Variants in RAD54B observed in about 807,000 individuals in gnomAD.
RAD54B encodes RAD54 homolog B.
In RAD54B, 78 loss-of-function variants were observed where a neutral mutation model predicts 95.8. That is an observed-to-expected ratio of 0.81 (90% confidence interval 0.68 to 0.98). RAD54B has a LOEUF of 0.98. Among genes scored for constraint, RAD54B ranks in the 50% least tolerant of loss-of-function variants. The pLI is 0.00. For missense variants in RAD54B, 957 were observed against 1,056.6 expected, an observed-to-expected ratio of 0.91 and a Z score of 1.31; for synonymous variants, 328 against 354.9, an observed-to-expected ratio of 0.92 and a Z score of 0.85.
intron 3 of RAD54B, 29 bp downstream of exon 3, chr8:94,458,239 T>C (rs758375843): frequency 6.4e-7 from 1 of 1,552,262 alleles, no homozygotes; most frequent in Non-Finnish European, 8.7e-7. Context: ...TGGTCAAGCA[T>C]AAACCTTATC....
In RAD54B at chr8:94,391,735, C is replaced by T. The variant is rs750494785; in HGVS notation, c.1683G>A (p.Lys561=). ...PGALQIELYR[K]LLNSQVVRFC... ...ACCTGACAACCTGAGAATTTAACAGCTTTCGATAAAGCTCAATCTGTAGTG... is the reference window on the plus strand; with the variant it reads ...ACCTGACAACCTGAGAATTTAACAGTTTTCGATAAAGCTCAATCTGTAGTG... Residue 561 remains lysine (K), a synonymous_variant, in exon 10 of 15, where the codon AAG becomes AAA. Coordinates refer to ENST00000336148, the MANE Select transcript of RAD54B (RefSeq NM_012415.3). 1.2e-6 allele frequency: 2 copies of T among 1,614,022 alleles called. No homozygotes were observed. Among genetic ancestry groups the T allele is most frequent in the Admixed American group, 3.3e-5 (2 of 60,006 alleles).
intron 2 of RAD54B, among the ~76,000 whole-genome samples, chr8:94,466,537 A>G (rs987542387): frequency 6.6e-6 from 1 of 151,898 alleles, no homozygotes; most frequent in African/African-American, 2.4e-5. Context: ...TCTCCGGAGT[A>G]GCTGGGATTA....
intron 3 of RAD54B, among the ~76,000 whole-genome samples, chr8:94,420,694 G>A (rs1276946072): frequency 2.7e-5 from 4 of 150,558 alleles, no homozygotes; most frequent in Non-Finnish European, 4.4e-5. Flanking sequence ...TAAAAAAAAA[G>A]AAGTTTTTGG....
At chr8:94,431,756 G>A in intron 3 of RAD54B, 1 of 996,994 alleles carries the variant, frequency 1.0e-6, no homozygotes. Flanking sequence ...TCCTAAATTA[G>A]ACTGACTTAA....
Position 94,393,888 on chromosome 8 carries a change from G to A in RAD54B, c.1379-6C>T. The A allele has an allele frequency of 1.3e-6, 2 of 1,579,220 alleles. No individual in the cohort carries two copies. The highest frequency in any genetic ancestry group is 1.7e-6 in the Non-Finnish European group (2 of 1,166,882). On this transcript the variant is annotated splice_polypyrimidine_tract_variant and splice_region_variant and intron_variant, in intron 8 of 14. Coordinates refer to ENST00000336148, the MANE Select transcript of RAD54B (RefSeq NM_012415.3). The stretch of plus-strand genomic sequence containing the variant: ...ATCATTCTGAATTGGAGTACCTAAA[G>A]AGAGACAAAAATGAGTAAAAGGTCA...
intron 6 of RAD54B, among the ~76,000 whole-genome samples, chr8:94,401,555 C>T (rs761491938): frequency 3.9e-5 from 6 of 151,972 alleles, no homozygotes; most frequent in Non-Finnish European, 5.9e-5. Context: ...TTCCAGTCAA[C>T]GGTAGTTTAT....
intron 12 of RAD54B, 138 bp downstream of exon 12, chr8:94,380,007 C>T (rs1244036167): frequency 6.6e-6 from 6 of 906,992 alleles, no homozygotes; most frequent in Non-Finnish European, 9.7e-6. Context: ...AGATGGAAAG[C>T]ACTTAGGAGA....
At chr8:94,462,400 C>T (rs1812928936) in intron 2 of RAD54B, among the ~76,000 whole-genome samples, 1 of 152,138 alleles carries the variant, frequency 6.6e-6, no homozygotes, top group African/African-American at 2.4e-5. Flanking sequence ...TACTTCTATG[C>T]TTTAGCATTC....
intron 3 of RAD54B, among the ~76,000 whole-genome samples, chr8:94,433,702 G>T (rs1489344266): frequency 2.0e-5 from 3 of 151,060 alleles, no homozygotes; most frequent in Non-Finnish European, 4.4e-5. Flanking sequence ...CCTTGAGGTT[G>T]TTTTTTTTAA....
chr8:94,407,789 C>G, intron 4 of RAD54B, 69 bp from the exon 5 acceptor site: 1 of 1,331,396 alleles, frequency 7.5e-7, no homozygotes, highest in Non-Finnish European at 1.0e-6. Flanking sequence ...CGTAACTGTA[C>G]AAAAAAACTG....
rs1220210321 is a variant in RAD54B at position 94,428,650 on chromosome 8, GTTAT to G, written c.305-17339_305-17336del. 7 of 735,056 alleles carry G rather than the reference GTTAT, an allele frequency of 9.5e-6. No homozygotes were observed. The East Asian group carries it at 6.5e-4, about 68-fold the overall frequency. 45.5% of individuals were successfully genotyped at this position (735,056 alleles called of 1,614,324 possible). On this transcript the variant is annotated intron_variant, in intron 3 of 14. Transcript: ENST00000336148. Reference sequence around the variant, plus strand: ...TCGTATTACTTTTTATTGTTGTACTGTTATTTATTTTTCTGCCTGAATATTTTCA... The same window carrying G: ...TCGTATTACTTTTTATTGTTGTACTGTTATTTTTCTGCCTGAATATTTTCA...
chr8:94,447,936 T>C (rs1000134321), intron 3 of RAD54B, among the ~76,000 whole-genome samples: 5 of 152,240 alleles, frequency 3.3e-5, no homozygotes, highest in African/African-American at 1.2e-4. Flanking sequence ...TTTCCAGTTA[T>C]ACATGCCAAT....
At chr8:94,408,725 T>A (rs1267172878) in intron 4 of RAD54B, among the ~76,000 whole-genome samples, 2 of 152,150 alleles carry the variant, frequency 1.3e-5, no homozygotes, top group Non-Finnish European at 2.9e-5. Flanking sequence ...GACCCATCAC[T>A]CCATCCCAAA....
intron 2 of RAD54B, among the ~76,000 whole-genome samples, chr8:94,463,910 A>AG (rs1369415095): frequency 1.6e-3 from 234 of 149,472 alleles, no homozygotes; most frequent in African/African-American, 5.4e-3. Context: ...AAAAAAAAAA[A>AG]AAAGAAAGAA....
chr8:94,412,065 CTTTCTG>C (rs1037754685), intron 3 of RAD54B, among the ~76,000 whole-genome samples: 5 of 152,134 alleles, frequency 3.3e-5, no homozygotes, highest in Non-Finnish European at 7.4e-5. Context: ...CATCATTCTA[CTTTCTG>C]TTTCTAAGAG....
intron 10 of RAD54B, among the ~76,000 whole-genome samples, chr8:94,389,785 T>C (rs1253137728): frequency 6.6e-6 from 1 of 152,232 alleles, no homozygotes; most frequent in Non-Finnish European, 1.5e-5. Context: ...AGAAAAGGCT[T>C]TTCTGAATAA....
intron 3 of RAD54B, among the ~76,000 whole-genome samples, chr8:94,447,331 G>A (rs1487517447): frequency 6.6e-6 from 1 of 152,112 alleles, no homozygotes. Context: ...AATATGTTGA[G>A]CTAAAGGAGC....
At chr8:94,472,262 C>T (rs1159420732) in intron 1 of RAD54B, among the ~76,000 whole-genome samples, 2 of 152,106 alleles carry the variant, frequency 1.3e-5, no homozygotes, top group African/African-American at 4.8e-5. Context: ...GCCAAAATAA[C>T]TTCATTAAAC....
chr8:94,380,120 C>A (rs1383334169), intron 12 of RAD54B, 25 bp downstream of exon 12: 3 of 1,573,712 alleles, frequency 1.9e-6, no homozygotes, highest in Non-Finnish European at 2.6e-6. Context: ...TCAATAATAT[C>A]TATTTAATGC....
Sources: gnomAD v4.1 joint callset for allele counts (sites outside exome capture counted in the v4.1 genomes callset) on GRCh38, gnomAD v4.1.1 for gene constraint, MANE v1.5 for transcripts, NCBI Gene and HGNC (gene_info 2026-07-23, HGNC 2026-07-21) for gene names.